C1orf210: variants seen among roughly 807,000 people sequenced by gnomAD.
C1orf210 encodes type III endosome membrane protein TEMP.
In C1orf210, 3 loss-of-function variants were observed where a neutral mutation model predicts 3.7. The ratio of observed to expected loss-of-function variants is 0.81; its 90% CI spans 0.37 to 2.08. C1orf210 has a LOEUF of 2.08. Among genes scored for constraint, C1orf210 ranks in the 30% most tolerant of loss-of-function variants. The pLI, the probability that C1orf210 is intolerant of heterozygous loss-of-function variation, is 0.06. For synonymous variants in C1orf210, 62 were observed against 61.7 expected (o/e 1.00, Z -0.02); for missense variants, 143 against 147.7 (o/e 0.97, Z 0.17).
chr1:43,282,946 G>A lies in C1orf210; in HGVS notation c.181C>T (p.His61Tyr), dbSNP rs142558931. The change falls in exon 3 of 3, where the codon CAT (histidine) becomes TAT (tyrosine). Residue 61 changes from histidine to tyrosine, a missense_variant. Coordinates refer to ENST00000523677, the MANE Select transcript of C1orf210 (RefSeq NM_182517.3). ...AGTGGGCGGTGCCGGTAGCTGGCAT[G>A]GTATCGGCGGCAGAGGTGGCATTTG... is the stretch of plus-strand genomic sequence containing the variant. The part of the protein sequence containing the change: ...AAKCHLCRRY[H>Y]ASYRHRPLPE... 6.2e-7 allele frequency: 1 copy of A among 1,614,066 alleles called. No homozygotes were observed. Among genetic ancestry groups the A allele is most frequent in the African/African-American group, 1.3e-5 (1 of 74,918 alleles).
chr1:43,284,194 T>C (rs1646564905), intron 1 of C1orf210, among the ~76,000 whole-genome samples: 1 of 152,078 alleles, frequency 6.6e-6, no homozygotes, highest in Non-Finnish European at 1.5e-5. Context: ...GAGGAGCACC[T>C]GGATCAAAGG....
At chr1:43,284,439 C>T (rs750834990) in intron 1 of C1orf210, among the ~76,000 whole-genome samples, 11 of 152,034 alleles carry the variant, frequency 7.2e-5, no homozygotes, top group Non-Finnish European at 1.5e-5. Context: ...CCCCCAACCT[C>T]CTCACATCCA....
At chr1:43,283,455 A>T in intron 1 of C1orf210, 87 bp from the exon 2 acceptor site, 3 of 706,758 alleles carry the variant, frequency 4.2e-6, no homozygotes, top group Admixed American at 3.0e-5. Context: ...GCCCTGCACA[A>T]ACTCTGGGGA....
At chr1:43,284,937 C>A (rs570978381) in intron 1 of C1orf210, among the ~76,000 whole-genome samples, 70 of 152,366 alleles carry the variant, frequency 4.6e-4, no homozygotes, top group African/African-American at 1.6e-3. Context: ...AACCACCAGT[C>A]AGAACCAGTC....
Position 43,282,967 on chromosome 1 carries a change from AT to A in C1orf210, c.159del (p.Lys53AsnfsTer75), listed in dbSNP as rs1432351016. 2.5e-6 allele frequency: 4 copies of A among 1,614,118 alleles called. No homozygotes were observed. The highest frequency in any genetic ancestry group is 3.4e-6 in the Non-Finnish European group (4 of 1,179,982). On this transcript the variant is annotated frameshift_variant, in exon 3 of 3. Transcript: ENST00000523677. LOFTEE classifies it high-confidence loss of function. ...GCATGGTATCGGCGGCAGAGGTGGC[AT>A]TTGGCAGCAAGTGCAATGAGGAGCG... ...VLSLLIALAA[K>X]CHLCRRYHAS...
intron 1 of C1orf210, 134 bp from the exon 2 acceptor site, chr1:43,283,502 A>T: frequency 2.1e-6 from 1 of 471,904 alleles, no homozygotes. Context: ...CACAGAAGAG[A>T]AACAAGCTGA....
rs898921976 is a variant in C1orf210 at position 43,285,438 on chromosome 1, A to T, written c.-99+6T>A. ...AAACACCCCTCTGACATGCACAGAC[A>T]CCTACCCCAACTCTGATGTGTAGCT... is the stretch of plus-strand genomic sequence containing the variant. On this transcript the variant is annotated splice_donor_region_variant and intron_variant, in intron 1 of 2. Coordinates refer to ENST00000523677, the MANE Select transcript of C1orf210 (RefSeq NM_182517.3). 1.3e-5 allele frequency: 2 copies of T among 152,076 alleles called. No individual in the cohort carries two copies. The highest frequency in any genetic ancestry group is 4.8e-5 in the African/African-American group (2 of 41,266). 9.4% of individuals were successfully genotyped at this position (152,076 alleles called of 1,614,324 possible). A position where few individuals can be genotyped will look rare whatever the true frequency, so the allele number is the denominator to read the frequency against.
intron 1 of C1orf210, among the ~76,000 whole-genome samples, chr1:43,284,246 A>G (rs763047409): frequency 6.6e-5 from 10 of 152,098 alleles, no homozygotes; most frequent in Admixed American, 2.0e-4. Flanking sequence ...GAGTATCTAG[A>G]GGAGGAGCAT....
chr1:43,282,849 T>G lies in C1orf210; in HGVS notation c.278A>C (p.Asn93Thr). 6.2e-7 allele frequency: 1 copy of G among 1,614,118 alleles called. No homozygotes were observed. The highest frequency in any genetic ancestry group is 8.5e-7 in the Non-Finnish European group (1 of 1,179,972). Residue 93 changes from asparagine (N) to threonine (T), a missense_variant, in exon 3 of 3, where the codon AAT becomes ACT. Transcript: ENST00000523677. ...CTCGCCAGTCCCAGGCTGAATGTAA[T>G]TGTCCTCGATGAAGCCATCATCATC... ...DEDDDGFIEDNYIQPGTGELG... is the reference protein window; with the variant it reads ...DEDDDGFIEDTYIQPGTGELG...
intron 1 of C1orf210, among the ~76,000 whole-genome samples, chr1:43,284,084 T>G (rs3120123): frequency 0.4 from 60,309 of 151,952 alleles, 12,394 homozygotes; most frequent in Non-Finnish European, 0.45. Context: ...ATCACCTGAA[T>G]CAGGAAATTA....
At position 43,283,005 on chromosome 1, in the gene C1orf210, G is replaced by A. The variant is rs772481371; in HGVS notation, c.122C>T (p.Ala41Val). 3.7e-6 allele frequency: 6 copies of A among 1,614,036 alleles called. No individual in the cohort carries two copies. The East Asian group carries it at 1.1e-4, about 30-fold the overall frequency. The change falls in exon 3 of 3, where the codon GCT becomes GTT. Residue 41 changes from alanine (A) to valine (V), a missense_variant. Ala to Val is a moderately conservative substitution (Grantham distance 64). Coordinates refer to ENST00000523677, the MANE Select transcript of C1orf210 (RefSeq NM_182517.3). The stretch of plus-strand genomic sequence containing the variant: ...TGCAATGAGGAGCGAGAGGACCACA[G>A]CCCCCAGCACAAATCCTACCAGCAC... ...WPVLVGFVLG[A>V]VVLSLLIALA...
In C1orf210 at chr1:43,282,565, C is replaced by T; in HGVS notation, c.*220G>A. 1 of 540,596 alleles carries T rather than the reference C, an allele frequency of 1.8e-6. No individual in the cohort carries two copies. Among genetic ancestry groups the T allele is most frequent in the South Asian group, 2.8e-5 (1 of 35,270 alleles). The allele number at this position is 540,596 out of a possible 1,614,324, so 33.5% of individuals were successfully genotyped here. ...TGTCCACACTCAAGCCTTTGTTTGG[C>T]TTTATCCTGAGAACAGCAGGGAACA... On this transcript the variant is annotated 3_prime_UTR_variant, in exon 3 of 3. Coordinates refer to ENST00000523677, the MANE Select transcript of C1orf210 (RefSeq NM_182517.3).
Position 43,282,561 on chromosome 1 carries a change from T to G in C1orf210, c.*224A>C, listed in dbSNP as rs1046233329. ...CTTATGTCCACACTCAAGCCTTTGT[T>G]TGGCTTTATCCTGAGAACAGCAGGG... On this transcript the variant is annotated 3_prime_UTR_variant, in exon 3 of 3. Transcript: ENST00000523677. 4 of 524,208 alleles carry G rather than the reference T, an allele frequency of 7.6e-6. No homozygotes were observed. The African/African-American group carries it at 7.7e-5, about 10-fold the overall frequency. The allele number at this position is 524,208 out of a possible 1,614,324, so 32.5% of individuals were successfully genotyped here.
At chr1:43,284,410 T>C (rs898482467) in intron 1 of C1orf210, among the ~76,000 whole-genome samples, 2 of 151,990 alleles carry the variant, frequency 1.3e-5, no homozygotes, top group Non-Finnish European at 2.9e-5. Flanking sequence ...TATTCTTTGA[T>C]ACAAGTGCCT....
At chr1:43,283,970 A>G (rs1646563376) in intron 1 of C1orf210, among the ~76,000 whole-genome samples, 1 of 151,976 alleles carries the variant, frequency 6.6e-6, no homozygotes, top group Non-Finnish European at 1.5e-5. Flanking sequence ...GCCCACCTCT[A>G]CCCTCAGCCC....
rs752778483 is a variant in C1orf210, at chr1:43,282,827, G to A, written c.300C>T (p.Gly100=). The A allele has an allele frequency of 2.5e-5, 41 of 1,612,100 alleles. No individual in the cohort carries two copies. The highest frequency in any genetic ancestry group is 3.1e-5 in the Non-Finnish European group (36 of 1,178,766). Residue 100 remains glycine, a synonymous_variant, in exon 3 of 3, where the codon GGC becomes GGT. Transcript: ENST00000523677. ...IEDNYIQPGT[G]ELGTEGSRDH... is the part of the protein sequence containing the mutation. ...CCCTGCTACCCTCTGTCCCCAGCTC[G>A]CCAGTCCCAGGCTGAATGTAATTGT...
rs1646558457 is a variant in C1orf210 at position 43,283,185 on chromosome 1, T to C, written c.19+67A>G. On this transcript the variant is annotated intron_variant, in intron 2 of 2. Coordinates refer to ENST00000523677, the MANE Select transcript of C1orf210 (RefSeq NM_182517.3). Reference sequence around the variant, plus strand: ...GAAACCAAGAGCAGTGCAGGTAGGGTCCTTCCCCCAACCCCAGCATCTAAG... The same window carrying C: ...GAAACCAAGAGCAGTGCAGGTAGGGCCCTTCCCCCAACCCCAGCATCTAAG... 1.3e-5 allele frequency: 20 copies of C among 1,598,522 alleles called. No homozygotes were observed. In the South Asian group the frequency reaches 2.0e-4, roughly 16 times the overall value.
rs753688754 is a variant in C1orf210, at chr1:43,282,952, G to A, written c.175C>T (p.Arg59Ter). ...CGGTGCCGGTAGCTGGCATGGTATC[G>A]GCGGCAGAGGTGGCATTTGGCAGCA... Reference protein sequence around the residue: ...ALAAKCHLCRRYHASYRHRPL... With the variant: ...ALAAKCHLCR The change falls in exon 3 of 3, where the codon CGA (arginine) becomes TGA (stop). Residue 59 changes from arginine (R) to a stop codon, truncating the protein, a stop_gained. Transcript: ENST00000523677. LOFTEE classifies it high-confidence loss of function. 19 of 1,614,018 alleles carry A rather than the reference G, an allele frequency of 1.2e-5. No individual in the cohort carries two copies. Among genetic ancestry groups the A allele is most frequent in the South Asian group, 6.6e-5 (6 of 91,086 alleles).
intron 1 of C1orf210, 26 bp from the exon 2 acceptor site, chr1:43,283,394 T>C: frequency 1.5e-6 from 2 of 1,323,910 alleles, no homozygotes; most frequent in South Asian, 2.8e-5. Context: ...GGTATGGGTG[T>C]CAGGGATGGT....
Sources: allele counts gnomAD v4.1 joint callset (sites outside exome capture counted in the v4.1 genomes callset), GRCh38; gene constraint gnomAD v4.1.1; transcripts MANE v1.5; gene names NCBI Gene and HGNC (gene_info 2026-07-23, HGNC 2026-07-21).